Variants in SNX19 observed in about 807,000 individuals in gnomAD.
SNX19 encodes sorting nexin 19, also known as sorting nexin-19.
In SNX19, 60 loss-of-function variants were observed where a neutral mutation model predicts 85.2. The ratio of observed to expected loss-of-function variants is 0.70; its 90% CI spans 0.57 to 0.87. The LOEUF is 0.87. Among genes scored for constraint, SNX19 ranks in the 40% least tolerant of loss-of-function variants. The probability of loss-of-function intolerance (pLI) is 0.00; values close to 1 mark genes in which losing one functional copy is unlikely to be tolerated. For synonymous variants in SNX19, 520 were observed against 470.0 expected (o/e 1.11, Z -1.38); for missense variants, 1,201 against 1,217.8 (o/e 0.99, Z 0.21).
chr11:130,871,451 G>A lies in SNX19; in HGVS notation c.*6971C>T, dbSNP rs1195338667. On this transcript the variant is annotated 3_prime_UTR_variant, in exon 11 of 11. Transcript: ENST00000265909. ...TGTAAAGGAGGTAAACTCCAAAAGT[G>A]TTTTTCCTCCCTTAATAAGGTCTAT... is the stretch of plus-strand genomic sequence containing the variant. Among the ~76,000 whole-genome samples the A allele has an allele frequency of 1.3e-5, 2 of 152,170 alleles. No individual in the cohort carries two copies. Among genetic ancestry groups the A allele is most frequent in the Admixed American group, 1.3e-4 (2 of 15,274 alleles).
intron 2 of SNX19, chr11:130,911,364 C>T (rs1195852103): frequency 3.0e-6 from 3 of 997,562 alleles, no homozygotes; most frequent in African/African-American, 1.7e-5. Flanking sequence ...CACCAACTTA[C>T]AGGCACAGGT....
intron 5 of SNX19, among the ~76,000 whole-genome samples, chr11:130,907,601 A>T (rs1339710733): frequency 6.6e-6 from 1 of 152,222 alleles, no homozygotes; most frequent in Non-Finnish European, 1.5e-5. Context: ...GCAAACAGAG[A>T]TCAGTTATAA....
chr11:130,913,976 A>G (rs1433831805), intron 1 of SNX19, among the ~76,000 whole-genome samples: 3 of 152,212 alleles, frequency 2.0e-5, no homozygotes, highest in African/African-American at 7.2e-5. Context: ...CAGAATCTGT[A>G]TATCTGAAAG....
chr11:130,885,706 C>T (rs1342475493), intron 8 of SNX19, among the ~76,000 whole-genome samples: 1 of 152,214 alleles, frequency 6.6e-6, no homozygotes, highest in Non-Finnish European at 1.5e-5. Context: ...AGGTCCATTC[C>T]TTCCAGCCTA....
chr11:130,912,491 G>A (rs893046157), intron 1 of SNX19, among the ~76,000 whole-genome samples: 3 of 152,170 alleles, frequency 2.0e-5, no homozygotes, highest in African/African-American at 7.2e-5. Context: ...TCAGCATGGG[G>A]GCACACTTCT....
chr11:130,897,355 C>T (rs897122510), intron 8 of SNX19, among the ~76,000 whole-genome samples: 4 of 152,008 alleles, frequency 2.6e-5, no homozygotes, highest in Non-Finnish European at 4.4e-5. Context: ...CTCACACACA[C>T]ACACTCTGTC....
intron 8 of SNX19, 123 bp downstream of exon 8, chr11:130,903,132 A>G (rs560191949): frequency 1.4e-6 from 2 of 1,384,006 alleles, no homozygotes; most frequent in East Asian, 4.7e-5. Flanking sequence ...TCATCCCTGT[A>G]ACCCCTGTAA....
intron 8 of SNX19, among the ~76,000 whole-genome samples, chr11:130,884,514 CAG>C (rs1263400917): frequency 6.6e-6 from 1 of 152,104 alleles, no homozygotes; most frequent in African/African-American, 2.4e-5. Context: ...ATTAGGCTGA[CAG>C]AAATCTAAAG....
In SNX19 at chr11:130,866,730, G is replaced by C. The variant is rs1395877655; in HGVS notation, c.*11692C>G. The C allele has an allele frequency of 1.3e-5, 2 of 152,240 alleles. No individual in the cohort carries two copies. The highest frequency in any genetic ancestry group is 1.3e-4 in the Admixed American group (2 of 15,282). 9.4% of individuals were successfully genotyped at this position (152,240 alleles called of 1,614,324 possible). A position where few individuals can be genotyped will look rare whatever the true frequency, so the allele number is the denominator to read the frequency against. On this transcript the variant is annotated 3_prime_UTR_variant, in exon 11 of 11. Transcript: ENST00000265909. ...CCCTTAGCTCTAGACTTACTGAACA[G>C]AAAGACCTTGGGTGAACTTTTCATT...
At chr11:130,904,258 A>G (rs894063931) in intron 7 of SNX19, among the ~76,000 whole-genome samples, 2 of 152,166 alleles carry the variant, frequency 1.3e-5, no homozygotes, top group Non-Finnish European at 2.9e-5. Context: ...TGGATCTGAG[A>G]TATCTGGTGC....
chr11:130,890,226 G>C (rs187494228), intron 8 of SNX19, among the ~76,000 whole-genome samples: 212 of 152,152 alleles, frequency 1.4e-3, no homozygotes, highest in African/African-American at 4.9e-3. Context: ...CATTTAAATA[G>C]TCACTAAATA....
chr11:130,900,013 G>T (rs1233439634), intron 8 of SNX19, among the ~76,000 whole-genome samples: 1 of 152,204 alleles, frequency 6.6e-6, no homozygotes, highest in Non-Finnish European at 1.5e-5. Context: ...GCTACATTTG[G>T]GTTTTGCTAG....
intron 8 of SNX19, among the ~76,000 whole-genome samples, chr11:130,888,218 G>A (rs7106973): frequency 0.44 from 66,259 of 151,652 alleles, 14,746 homozygotes; most frequent in South Asian, 0.56. Flanking sequence ...ATCATTCTAA[G>A]TTTTCTAAAT....
chr11:130,912,781 C>T (rs1946237265), intron 1 of SNX19, among the ~76,000 whole-genome samples: 1 of 152,100 alleles, frequency 6.6e-6, no homozygotes, highest in South Asian at 2.1e-4. Flanking sequence ...GGCTCTCAAG[C>T]CTGGAGCATT....
rs1946138023 is a variant in SNX19 at position 130,911,663 on chromosome 11, C to G, written c.1783G>C (p.Glu595Gln). ...EFLNLQTRLE[E>Q]KPDLRKFIKN... ...ATGAACTTTCGTAGATCTGGTTTCT[C>G]CTCCAGACGGGTCTGCAGATTCAAG... is the stretch of plus-strand genomic sequence containing the variant. Residue 595 changes from glutamate to glutamine, a missense_variant, in exon 2 of 11, where the codon GAG (glutamate) becomes CAG (glutamine). Physicochemically the swap from Glu to Gln is conservative, Grantham distance 29. Transcript: ENST00000265909. The G allele has an allele frequency of 1.9e-6, 3 of 1,614,042 alleles. No individual in the cohort carries two copies. The Admixed American group carries it at 5.0e-5, about 27-fold the overall frequency.
chr11:130,880,216 G>C (rs1391762240), intron 9 of SNX19, among the ~76,000 whole-genome samples: 1 of 152,212 alleles, frequency 6.6e-6, no homozygotes, highest in African/African-American at 2.4e-5. Context: ...TGTGAGACAT[G>C]TGATTTTCTT....
rs759639843 is a variant in SNX19 at position 130,875,927 on chromosome 11, A to T, written c.*2495T>A. On this transcript the variant is annotated 3_prime_UTR_variant, in exon 11 of 11. Coordinates refer to ENST00000265909, the MANE Select transcript of SNX19 (RefSeq NM_014758.3). Reference sequence around the variant, plus strand: ...ATTTAGGTTTTATTAAGTCTAATCCAACAATGCAAAAATGAAACTGTGAGT... The same window carrying T: ...ATTTAGGTTTTATTAAGTCTAATCCTACAATGCAAAAATGAAACTGTGAGT... The T allele has an allele frequency of 8.5e-5, 13 of 152,206 alleles. No individual in the cohort carries two copies. Among genetic ancestry groups the T allele is most frequent in the Non-Finnish European group, 1.9e-4 (13 of 68,042 alleles). 9.4% of individuals were successfully genotyped at this position (152,206 alleles called of 1,614,324 possible). A position where few individuals can be genotyped will look rare whatever the true frequency, so the allele number is the denominator to read the frequency against.
intron 8 of SNX19, chr11:130,895,213 C>T: frequency 1.0e-6 from 1 of 985,444 alleles, no homozygotes. Flanking sequence ...CCCCAAACCT[C>T]TTTGCTTAGG....
In SNX19 at chr11:130,870,335, G is replaced by A. The variant is rs1199687831; in HGVS notation, c.*8087C>T. On this transcript the variant is annotated 3_prime_UTR_variant, in exon 11 of 11. Transcript: ENST00000265909. ...ATGCACACTTACTTCCCTTGGATGT[G>A]TGGCAACGAGCTCTGCTGCTGCAAG... is the stretch of plus-strand genomic sequence containing the variant. 6.6e-6 allele frequency: 1 copy of A among 152,300 alleles called. No homozygotes were observed. Among genetic ancestry groups the A allele is most frequent in the African/African-American group, 2.4e-5 (1 of 41,480 alleles). The allele number at this position is 152,300 out of a possible 1,614,324, so 9.4% of individuals were successfully genotyped here.
Sources: allele counts gnomAD v4.1 joint callset (sites outside exome capture counted in the v4.1 genomes callset), GRCh38; gene constraint gnomAD v4.1.1; transcripts MANE v1.5; gene names NCBI Gene and HGNC (gene_info 2026-07-23, HGNC 2026-07-21).